TATDN2: variants seen among roughly 807,000 people sequenced by gnomAD.
The protein encoded by TATDN2 is TatD DNase domain containing 2.
TATDN2 carries 44 observed loss-of-function variants against 60.3 expected under a neutral mutation model. That is an observed-to-expected ratio of 0.73 (90% CI 0.57 to 0.94). TATDN2 has a LOEUF of 0.94. Ranked by LOEUF, TATDN2 falls within the 40% of genes least tolerant of loss-of-function variation. The pLI is 0.00. For missense variants in TATDN2, 997 were observed against 948.0 expected, an observed-to-expected ratio of 1.05 and a Z score of -0.68; for synonymous variants, 399 against 355.8, an observed-to-expected ratio of 1.12 and a Z score of -1.37.
intron 2 of TATDN2, 30 bp from the exon 3 acceptor site, chr3:10,260,107 G>T: frequency 3.2e-6 from 5 of 1,584,918 alleles, no homozygotes; most frequent in Non-Finnish European, 4.3e-6. Context: ...CCTTGGAACA[G>T]CCCTTTCAAT....
At chr3:10,262,584 G>A (rs1698422737) in intron 3 of TATDN2, among the ~76,000 whole-genome samples, 1 of 134,520 alleles carries the variant, frequency 7.4e-6, no homozygotes, top group African/African-American at 2.8e-5. Flanking sequence ...TGCCCAGGCT[G>A]GAGTGCACTG....
chr3:10,279,290 G>C lies in TATDN2; in HGVS notation c.*108G>C. The C allele has an allele frequency of 2.9e-6, 1 of 339,186 alleles. No homozygotes were observed. 21.0% of individuals were successfully genotyped at this position (339,186 alleles called of 1,614,324 possible). On this transcript the variant is annotated 3_prime_UTR_variant, in exon 8 of 8. Transcript: ENST00000448281. ...GTCTCAGGTCGAGGATGTGTTTAGAGAGCTGATTGGAACACAGAAAACCAG... is the reference window on the plus strand; with the variant it reads ...GTCTCAGGTCGAGGATGTGTTTAGACAGCTGATTGGAACACAGAAAACCAG...
At position 10,278,161 on chromosome 3, in the gene TATDN2, C is replaced by G. The variant is rs1698665445; in HGVS notation, c.1962-118C>G. The G allele has an allele frequency of 8.1e-7, 1 of 1,231,670 alleles. No homozygotes were observed. Among genetic ancestry groups the G allele is most frequent in the African/African-American group, 1.5e-5 (1 of 66,226 alleles). The allele number at this position is 1,231,670 out of a possible 1,614,324, so 76.3% of individuals were successfully genotyped here. A position where few individuals can be genotyped will look rare whatever the true frequency, so the allele number is the denominator to read the frequency against. ...TCTGTGTTTACTGTGGAGTCCTTCC[C>G]TAGGATGCAGTCTTTCCATTTCTGG... On this transcript the variant is annotated intron_variant, in intron 5 of 7. Transcript: ENST00000448281. This position sits in a 1 kb window ranked among gnomAD's most constrained non-coding sequence, Gnocchi z 4.7.
chr3:10,277,836 A>G (rs1440420543), intron 5 of TATDN2, among the ~76,000 whole-genome samples: 2 of 152,190 alleles, frequency 1.3e-5, no homozygotes, highest in Non-Finnish European at 2.9e-5. Flanking sequence ...GAACATGAAC[A>G]GGTATCAGAT....
At chr3:10,255,198 G>A (rs1182950068) in intron 2 of TATDN2, among the ~76,000 whole-genome samples, 1 of 149,144 alleles carries the variant, frequency 6.7e-6, no homozygotes, top group African/African-American at 2.5e-5. Context: ...TTTTTGTAGA[G>A]AGGGGTTTTT....
chr3:10,262,295 T>C (rs1264429208), intron 3 of TATDN2, among the ~76,000 whole-genome samples: 1 of 152,222 alleles, frequency 6.6e-6, no homozygotes, highest in Non-Finnish European at 1.5e-5. Context: ...CTACCTATAC[T>C]CTGTGTCTTC....
chr3:10,276,258 AAAAG>A (rs1039775715), intron 4 of TATDN2, 99 bp from the exon 5 acceptor site: 5 of 1,435,650 alleles, frequency 3.5e-6, no homozygotes, highest in Non-Finnish European at 4.7e-6. Context: ...TATAGTTAAA[AAAAG>A]AGAGACACAG....
chr3:10,253,931 G>A (rs1268235850), intron 2 of TATDN2, among the ~76,000 whole-genome samples: 2 of 152,202 alleles, frequency 1.3e-5, no homozygotes, highest in African/African-American at 4.8e-5. Context: ...CTGCACTGCT[G>A]CCTCTGGGAG....
intron 3 of TATDN2, among the ~76,000 whole-genome samples, chr3:10,269,042 G>A (rs568922677): frequency 3.3e-5 from 5 of 152,236 alleles, no homozygotes; most frequent in Non-Finnish European, 4.4e-5. Context: ...GGCGAGGGCT[G>A]TCGTCATCTG....
chr3:10,249,734 T>A, intron 2 of TATDN2, 120 bp downstream of exon 2: 1 of 1,221,536 alleles, frequency 8.2e-7, no homozygotes, highest in Non-Finnish European at 1.1e-6. Context: ...GTCTGGAAGG[T>A]CTTTCTAGAA....
At chr3:10,259,198 T>C (rs978813183) in intron 2 of TATDN2, among the ~76,000 whole-genome samples, 3 of 152,210 alleles carry the variant, frequency 2.0e-5, no homozygotes, top group Non-Finnish European at 4.4e-5. Flanking sequence ...GGTTTCGCCA[T>C]GTTGGCCAGG....
chr3:10,271,662 C>T (rs988235038), intron 4 of TATDN2, among the ~76,000 whole-genome samples: 1 of 151,868 alleles, frequency 6.6e-6, no homozygotes, highest in South Asian at 2.1e-4. Flanking sequence ...TGAAAAAATG[C>T]ATAATTTCCC....
intron 2 of TATDN2, among the ~76,000 whole-genome samples, chr3:10,255,013 C>CT (rs768937306): frequency 2.7e-5 from 2 of 72,902 alleles, no homozygotes; most frequent in Non-Finnish European, 4.6e-5. Flanking sequence ...CCACTTCCCA[C>CT]TCCCCCTCCC....
intron 3 of TATDN2, among the ~76,000 whole-genome samples, chr3:10,264,799 C>T (rs1273305598): frequency 6.6e-6 from 1 of 151,890 alleles, no homozygotes; most frequent in African/African-American, 2.4e-5. Flanking sequence ...CCGCCTCAGA[C>T]CCCTGAATTG....
In TATDN2 at chr3:10,270,613, C is replaced by G. The variant is rs140414649; in HGVS notation, c.1431C>G (p.His477Gln). 11 of 1,614,108 alleles carry G rather than the reference C, an allele frequency of 6.8e-6. No individual in the cohort carries two copies. The highest frequency in any genetic ancestry group is 8.5e-6 in the Non-Finnish European group (10 of 1,180,060). The change falls in exon 4 of 8, where the codon CAC becomes CAG. Residue 477 changes from histidine to glutamine, a missense_variant. Transcript: ENST00000448281. ...TGCCTCCGCGTCCTTGTGGAGGACA[C>G]GCATCCAGCTCCCTGCCAAAGAGCC... ...EEMPPRPCGG[H>Q]ASSSLPKSHL...
intron 3 of TATDN2, among the ~76,000 whole-genome samples, chr3:10,261,806 G>A (rs1049805328): frequency 6.6e-6 from 1 of 152,158 alleles, no homozygotes; most frequent in Non-Finnish European, 1.5e-5. Context: ...TTCAGTTTTA[G>A]ATGTCTGAGG....
At chr3:10,266,694 A>C (rs1293064497) in intron 3 of TATDN2, among the ~76,000 whole-genome samples, 1 of 152,230 alleles carries the variant, frequency 6.6e-6, no homozygotes, top group Admixed American at 6.5e-5. Context: ...GCCTGACTGT[A>C]TTCCAATGAA....
At chr3:10,254,250 T>G (rs951945886) in intron 2 of TATDN2, among the ~76,000 whole-genome samples, 3 of 152,058 alleles carry the variant, frequency 2.0e-5, no homozygotes, top group African/African-American at 4.8e-5. Flanking sequence ...GGGATGGGTT[T>G]GGAGTACCCA....
chr3:10,259,947 G>T (rs1698374503), intron 2 of TATDN2, among the ~76,000 whole-genome samples, 190 bp from the exon 3 acceptor site: 1 of 152,162 alleles, frequency 6.6e-6, no homozygotes, highest in African/African-American at 2.4e-5. Flanking sequence ...ATGAGAAGGC[G>T]AATGCTAAGA....
Sources: allele counts gnomAD v4.1 joint callset (sites outside exome capture counted in the v4.1 genomes callset), GRCh38; gene constraint gnomAD v4.1.1; non-coding constraint Gnocchi (gnomAD v3.1); transcripts MANE v1.5; gene names NCBI Gene and HGNC (gene_info 2026-07-23, HGNC 2026-07-21).